RALGDS: variants seen among roughly 807,000 people sequenced by gnomAD.
The protein encoded by RALGDS is ral guanine nucleotide dissociation stimulator.
A neutral mutation model predicts 99.8 loss-of-function variants in RALGDS; 44 were observed. The observed-to-expected ratio is 0.44, with a 90% CI of 0.35 to 0.57. The LOEUF (loss-of-function observed/expected upper bound fraction) is 0.57, where lower values mean the gene tolerates loss of function less well. Among genes scored for constraint, RALGDS ranks in the 20% least tolerant of loss-of-function variants. RALGDS has a pLI of 0.01. For synonymous variants in RALGDS, 529 were observed against 505.0 expected (o/e 1.05, Z -0.64); for missense variants, 1,022 against 1,203.1 (o/e 0.85, Z 2.23).
chr9:133,145,530 T>G (rs1478634208), intron 1 of RALGDS, among the ~76,000 whole-genome samples: 1 of 152,158 alleles, frequency 6.6e-6, no homozygotes, highest in African/African-American at 2.4e-5. Flanking sequence ...GTGGCAGCAG[T>G]GCTGGGGGTT....
upstream of RALGDS, chr9:133,121,243 G>A (rs867035451): frequency 1.2e-5 from 12 of 983,660 alleles, no homozygotes; most frequent in Admixed American, 2.5e-4. Flanking sequence ...CCACCGCTGT[G>A]AGCCCGCGGC....
At chr9:133,132,666 GTC>G (rs1202430848), upstream of RALGDS, among the ~76,000 whole-genome samples, 1 of 151,940 alleles carries the variant, frequency 6.6e-6, no homozygotes, top group Non-Finnish European at 1.5e-5. Context: ...TTGAGACGGA[GTC>G]TCGCTCTGTC....
At position 133,141,675 on chromosome 9, in the gene RALGDS, C is replaced by A. The variant is rs186333164; in HGVS notation, c.18+7288G>T. ...GACATGTGAGGAGGAAGGGCAGTGG[C>A]GGCCTGGTCCTGGTCCCCTCACTCT... On this transcript the variant is annotated intron_variant, in intron 1 of 17. Coordinates refer to the RALGDS transcript ENST00000393160. Among the ~76,000 whole-genome samples, 484 of 152,352 alleles carry A rather than the reference C, an allele frequency of 3.2e-3. 6 individuals carry two copies. The highest frequency in any genetic ancestry group is 0.011 in the African/African-American group (471 of 41,582).
rs1220917122 is a variant in RALGDS, at chr9:133,121,201, G to C, written c.-47C>G. 3 of 885,070 alleles carry C rather than the reference G, an allele frequency of 3.4e-6. No individual in the cohort carries two copies. The African/African-American group carries it at 5.4e-5, about 16-fold the overall frequency. 54.8% of individuals were successfully genotyped at this position (885,070 alleles called of 1,614,324 possible). On this transcript the variant is annotated 5_prime_UTR_variant, in exon 1 of 18. Coordinates refer to ENST00000372050, the MANE Select transcript of RALGDS (RefSeq NM_006266.4). ...CGGGGCCGGCCCGGCGCGCGGCGGGGGCGGCGGCGCGGCCCGCGCGGCTGG... is the reference window on the plus strand; with the variant it reads ...CGGGGCCGGCCCGGCGCGCGGCGGGCGCGGCGGCGCGGCCCGCGCGGCTGG...
chr9:133,110,193 G>A (rs1214094830), intron 3 of RALGDS, 103 bp downstream of exon 3: 25 of 1,218,304 alleles, frequency 2.1e-5, no homozygotes, highest in Non-Finnish European at 3.0e-5. Flanking sequence ...TATGAGCAAA[G>A]CGAGGCTCAG....
At chr9:133,103,127 C>T in intron 12 of RALGDS, 103 bp downstream of exon 12, 1 of 1,495,492 alleles carries the variant, frequency 6.7e-7, no homozygotes. Context: ...TCCAAATGTC[C>T]CATGTCCCAT....
intron 1 of RALGDS, among the ~76,000 whole-genome samples, chr9:133,129,668 A>G (rs572512766): frequency 1.5e-3 from 228 of 152,324 alleles, no homozygotes; most frequent in African/African-American, 4.8e-3. Context: ...TTCGGTCAGC[A>G]GAGCCACCAG....
At chr9:133,100,893 T>C (rs1356174586) in intron 16 of RALGDS, 1 of 1,049,190 alleles carries the variant, frequency 9.5e-7, no homozygotes, top group East Asian at 8.0e-5. Flanking sequence ...TGCTAGCTCC[T>C]GGCAATGAGG....
chr9:133,140,713 G>C (rs890647555), intron 1 of RALGDS, among the ~76,000 whole-genome samples: 1 of 152,172 alleles, frequency 6.6e-6, no homozygotes, highest in African/African-American at 2.4e-5. Flanking sequence ...CACCCACGCA[G>C]GGTGGGTGGG....
At position 133,101,576 on chromosome 9, in the gene RALGDS, A is replaced by G; in HGVS notation, c.2398T>C (p.Cys800Arg). The part of the protein sequence containing the change: ...PLYNQQVGDC[C>R]IIRVSLDVDN... ...ACGTCCAGGCTGACGCGGATGATAC[A>G]GCAGTCGCCCACCTGCTGGTTGTAG... Residue 800 changes from cysteine to arginine, a missense_variant, in exon 16 of 18, where the codon TGT (cysteine) becomes CGT (arginine). Around this residue, in one of 3 missense-constraint regions of RALGDS, gnomAD observed 825 missense variants for 994.5 expected, o/e 0.83. Transcript: ENST00000372050. The G allele has an allele frequency of 6.2e-7, 1 of 1,612,720 alleles. No individual in the cohort carries two copies.
chr9:133,129,530 C>T lies in RALGDS; in HGVS notation c.132+1422G>A, dbSNP rs1832269722. ...GCCGAGGACGAGTGGAGAGGCTGCC[C>T]CAAGCTAGCCTAGCTTTCTCCCTTA... On this transcript the variant is annotated intron_variant, in intron 1 of 17. Transcript: ENST00000372062. 6 of 1,084,186 alleles carry T rather than the reference C, an allele frequency of 5.5e-6. No homozygotes were observed. In the South Asian group the frequency reaches 1.5e-4, roughly 27 times the overall value. The allele number at this position is 1,084,186 out of a possible 1,614,324, so 67.2% of individuals were successfully genotyped here.
At chr9:133,139,010 C>T (rs955481311) in intron 1 of RALGDS, among the ~76,000 whole-genome samples, 2 of 152,180 alleles carry the variant, frequency 1.3e-5, no homozygotes, top group East Asian at 1.9e-4. Context: ...GCTGTCCCTC[C>T]CCAGGCACCA....
chr9:133,104,368 CCCCTCAG>C (rs1588515142), intron 9 of RALGDS, 37 bp from the exon 10 acceptor site: 4 of 1,561,134 alleles, frequency 2.6e-6, no homozygotes, highest in Non-Finnish European at 3.5e-6. Flanking sequence ...AAGGCCCTAT[CCCCTCAG>C]CCCTCAGGCA....
intron 8 of RALGDS, among the ~76,000 whole-genome samples, chr9:133,106,319 C>T (rs1831053266): frequency 6.6e-6 from 1 of 152,138 alleles, no homozygotes; most frequent in Non-Finnish European, 1.5e-5. Context: ...ACCTCTACCT[C>T]CTGGGTCCAA....
At chr9:133,119,681 A>G (rs927981144) in intron 1 of RALGDS, among the ~76,000 whole-genome samples, 1 of 143,516 alleles carries the variant, frequency 7.0e-6, no homozygotes, top group African/African-American at 2.6e-5. Context: ...TCCCACCCCC[A>G]CCCTCCCAGG....
At chr9:133,141,863 C>A (rs1588573124) in intron 1 of RALGDS, among the ~76,000 whole-genome samples, 1 of 152,204 alleles carries the variant, frequency 6.6e-6, no homozygotes, top group African/African-American at 2.4e-5. Context: ...CAAAGTTGGC[C>A]CAGAACCACA....
At chr9:133,116,590 C>T (rs1831619775) in intron 1 of RALGDS, among the ~76,000 whole-genome samples, 2 of 152,224 alleles carry the variant, frequency 1.3e-5, no homozygotes, top group Admixed American at 1.3e-4. Flanking sequence ...CCGGGAGGGG[C>T]GTGGCTGGTG....
chr9:133,098,970 G>A (rs969342396), intron 17 of RALGDS: 9 of 582,122 alleles, frequency 1.5e-5, no homozygotes, highest in East Asian at 5.8e-5. Flanking sequence ...GATGACTCTT[G>A]TTTAAACAGG....
chr9:133,143,106 C>T (rs1205371507), intron 1 of RALGDS, among the ~76,000 whole-genome samples: 5 of 152,272 alleles, frequency 3.3e-5, no homozygotes, highest in African/African-American at 1.2e-4. Flanking sequence ...GGCACCTCTG[C>T]AGCAGGGGAC....
Sources: gnomAD v4.1 joint callset for allele counts (sites outside exome capture counted in the v4.1 genomes callset) on GRCh38, gnomAD v4.1.1 for gene constraint, gnomAD v4.1.1 regional missense constraint, MANE v1.5 for transcripts, NCBI Gene and HGNC (gene_info 2026-07-23, HGNC 2026-07-21) for gene names.